The following DACH2 variants were observed in gnomAD, a reference collection of about 807,000 sequenced individuals.
DACH2 encodes the protein dachshund homolog 2.
Under a neutral mutation model 35.8 loss-of-function variants are expected in DACH2, and 17 were observed. The ratio of observed to expected loss-of-function variants is 0.48; its 90% CI spans 0.33 to 0.71. DACH2 has a LOEUF of 0.71. Ranked by LOEUF, DACH2 falls within the 30% of genes least tolerant of loss-of-function variation. The probability of loss-of-function intolerance (pLI) is 0.02; values close to 1 mark genes in which losing one functional copy is unlikely to be tolerated. For missense variants in DACH2, 469 were observed against 472.7 expected (o/e 0.99, Z 0.07); for synonymous variants, 195 against 177.3 (o/e 1.10, Z -0.79).
intron 3 of DACH2, among the ~76,000 whole-genome samples, chrX:86,542,394 A>T (rs62593273): frequency 0.05 from 5,512 of 111,228 alleles, 117 homozygotes; most frequent in Middle Eastern, 0.11. Context: ...AAGCCAAATT[A>T]GTTCTTGTGG....
chrX:86,767,566 C>A (rs757048429), intron 7 of DACH2, among the ~76,000 whole-genome samples: 1 of 111,918 alleles, frequency 8.9e-6, no homozygotes, highest in Non-Finnish European at 1.9e-5. Flanking sequence ...TAGAGTGACA[C>A]GCTGATGTCA....
chrX:86,763,480 G>A (rs1412524755), intron 7 of DACH2, among the ~76,000 whole-genome samples: 1 of 112,129 alleles, frequency 8.9e-6, no homozygotes, highest in African/African-American at 3.2e-5. Context: ...TTGAGACGGA[G>A]TCTCGCTCTG....
intron 5 of DACH2, among the ~76,000 whole-genome samples, chrX:86,711,298 G>A (rs929113484): frequency 6.3e-5 from 7 of 111,296 alleles, no homozygotes; most frequent in African/African-American, 2.3e-4. Flanking sequence ...AATCGCTTGA[G>A]CCCGGGAGGC....
chrX:86,335,282 C>A (rs1292347032), intron 1 of DACH2, among the ~76,000 whole-genome samples: 1 of 110,817 alleles, frequency 9.0e-6, no homozygotes, highest in Non-Finnish European at 1.9e-5. Context: ...TTTTCTAATT[C>A]TATGAAGAAA....
At position 86,528,691 on chromosome X, in the gene DACH2, T is replaced by C. The variant is rs1427918097; in HGVS notation, c.640+14300T>C. ...CTGGTATGCATTTTAATGAAAAATA[T>C]ATGATTTAGAGAAGTAAATCTTTTT... On this transcript the variant is annotated intron_variant, in intron 3 of 11. Transcript: ENST00000373125. Among the ~76,000 whole-genome samples the C allele has an allele frequency of 2.7e-5, 3 of 112,417 alleles. No individual in the cohort carries two copies. In the East Asian group the frequency reaches 8.4e-4, roughly 31 times the overall value.
At chrX:86,512,298 C>A (rs2038407222) in intron 2 of DACH2, among the ~76,000 whole-genome samples, 1 of 104,041 alleles carries the variant, frequency 9.6e-6, no homozygotes, top group South Asian at 3.9e-4. Context: ...AGCTGTGAAA[C>A]CATTTTTTTT....
intron 2 of DACH2, among the ~76,000 whole-genome samples, chrX:86,502,922 A>G (rs1280866974): frequency 9.0e-6 from 1 of 111,625 alleles, no homozygotes; most frequent in Non-Finnish European, 1.9e-5. Context: ...GCCCAAGTCA[A>G]TTCTTCCAAG....
intron 3 of DACH2, among the ~76,000 whole-genome samples, chrX:86,589,450 A>G (rs891177473): frequency 1.2e-4 from 13 of 111,636 alleles, no homozygotes; most frequent in African/African-American, 4.2e-4. Context: ...AATGGAAACT[A>G]TAGTGACTTT....
At chrX:86,238,206 C>T (rs2033094807) in intron 1 of DACH2, among the ~76,000 whole-genome samples, 2 of 112,354 alleles carry the variant, frequency 1.8e-5, no homozygotes, top group African/African-American at 3.2e-5. Flanking sequence ...CTTTTAGATG[C>T]TATTTGGCAG....
chrX:86,168,003 T>A (rs1025220488), intron 1 of DACH2, among the ~76,000 whole-genome samples: 4 of 111,913 alleles, frequency 3.6e-5, no homozygotes, highest in South Asian at 3.6e-4. Flanking sequence ...AGGAAAATAA[T>A]GTGTATCCCG....
At chrX:86,506,919 T>G (rs180985961) in intron 2 of DACH2, among the ~76,000 whole-genome samples, 3 of 112,160 alleles carry the variant, frequency 2.7e-5, no homozygotes, top group African/African-American at 9.7e-5. Flanking sequence ...TTCTACCTAC[T>G]GCAACTGGGA....
chrX:86,668,826 G>A (rs974645625), intron 4 of DACH2, among the ~76,000 whole-genome samples: 2 of 111,465 alleles, frequency 1.8e-5, no homozygotes, highest in Non-Finnish European at 3.8e-5. Flanking sequence ...TTAATTTTAG[G>A]AAACAAGGGT....
chrX:86,196,148 G>A (rs191541896), intron 1 of DACH2, among the ~76,000 whole-genome samples: 36 of 111,497 alleles, frequency 3.2e-4, no homozygotes, highest in Non-Finnish European at 1.5e-4. Context: ...TCATTGAGAT[G>A]CAAGAGTACA....
At chrX:86,734,194 T>C (rs895795144) in intron 6 of DACH2, among the ~76,000 whole-genome samples, 4 of 111,067 alleles carry the variant, frequency 3.6e-5, no homozygotes, top group Non-Finnish European at 7.6e-5. Context: ...GATGAGAGGG[T>C]TCTTTGTTCA....
chrX:86,593,064 G>T lies in DACH2; in HGVS notation c.641-57972G>T, dbSNP rs374564411. On this transcript the variant is annotated intron_variant, in intron 3 of 11. Transcript: ENST00000373125. ...CAGTATGATGTTGATGATAAATGGT[G>T]AGAGGGGATATCCTTGATATTTTCT... Among the ~76,000 whole-genome samples, 26 of 111,174 alleles carry T rather than the reference G, an allele frequency of 2.3e-4. No individual in the cohort carries two copies. In the East Asian group the frequency reaches 6.2e-3, roughly 27 times the overall value.
At chrX:86,440,573 C>T (rs996825225) in intron 2 of DACH2, among the ~76,000 whole-genome samples, 1 of 111,348 alleles carries the variant, frequency 9.0e-6, no homozygotes, top group Non-Finnish European at 1.9e-5. Flanking sequence ...CTGACAATTT[C>T]TCTTCTTTAA....
rs779335314 is a variant in DACH2 at position 86,814,823 on chromosome X, G to A, written c.1673G>A (p.Arg558Lys). Residue 558 changes from arginine to lysine, a missense_variant, in exon 10 of 12, where the codon AGG (arginine) becomes AAG (lysine). Around this residue, in one of 3 missense-constraint regions of DACH2, gnomAD observed 363 missense variants for 334.4 expected, o/e 1.09. Coordinates refer to ENST00000373125, the MANE Select transcript of DACH2 (RefSeq NM_053281.3). ...KQATTSDSGL[R>K]MLKDTGIPDI... Reference sequence around the variant, plus strand: ...GCCACCACTAGTGACAGTGGCCTGAGGATGTTAAAAGGTAATGTCTGATTT... The same window carrying A: ...GCCACCACTAGTGACAGTGGCCTGAAGATGTTAAAAGGTAATGTCTGATTT... 6.6e-6 allele frequency: 8 copies of A among 1,203,986 alleles called. No individual in the cohort carries two copies. In the Admixed American group the frequency reaches 1.6e-4, roughly 23 times the overall value.
chrX:86,569,545 C>T, intron 3 of DACH2, among the ~76,000 whole-genome samples: 1 of 111,296 alleles, frequency 9.0e-6, no homozygotes, highest in Non-Finnish European at 1.9e-5. Context: ...TGGGTCCCTA[C>T]GTGTCCAAAA....
intron 2 of DACH2, among the ~76,000 whole-genome samples, chrX:86,499,367 C>CA (rs1156635994): frequency 9.0e-6 from 1 of 110,904 alleles, no homozygotes; most frequent in East Asian, 2.8e-4. Flanking sequence ...CCTCCCACTC[C>CA]AAAAAAAGAC....
Sources: allele counts gnomAD v4.1 joint callset (sites outside exome capture counted in the v4.1 genomes callset), GRCh38; gene constraint gnomAD v4.1.1; regional missense constraint gnomAD v4.1.1; transcripts MANE v1.5; gene names NCBI Gene and HGNC (gene_info 2026-07-23, HGNC 2026-07-21).